The following SEMA3A variants were observed in gnomAD, a reference collection of about 807,000 sequenced individuals.
SEMA3A encodes semaphorin 3A.
A neutral mutation model predicts 97.9 loss-of-function variants in SEMA3A; 29 were observed. The ratio of observed to expected loss-of-function variants is 0.30; its 90% CI spans 0.22 to 0.40. The LOEUF is 0.40. Ranked by LOEUF, SEMA3A falls within the 10% of genes least tolerant of loss-of-function variation. The pLI, the probability that SEMA3A is intolerant of heterozygous loss-of-function variation, is 1.00. For synonymous variants in SEMA3A, 321 were observed against 323.7 expected, an observed-to-expected ratio of 0.99 and a Z score of 0.09; for missense variants, 763 against 951.3, an observed-to-expected ratio of 0.80 and a Z score of 2.60.
At chr7:84,311,559 A>G (rs78573068) in intron 2 of SEMA3A, among the ~76,000 whole-genome samples, 14,450 of 151,990 alleles carry the variant, frequency 0.095, 908 homozygotes, top group Middle Eastern at 0.15. Context: ...ACTAAAGATG[A>G]ATGGTAAAGA....
chr7:84,490,142 C>T (rs1407842863), intron 1 of SEMA3A, among the ~76,000 whole-genome samples: 3 of 142,466 alleles, frequency 2.1e-5, no homozygotes, highest in East Asian at 4.1e-4. Flanking sequence ...ATTATAATTC[C>T]AGTAAAAAGA....
chr7:84,063,482 G>A lies in SEMA3A; in HGVS notation c.454-2924C>T, dbSNP rs1200512068. The stretch of plus-strand genomic sequence containing the variant: ...GATCAAATTACTCTGAGCTACGGAA[G>A]GACATTCAAACCAAAGGCAAAGAAG... On this transcript the variant is annotated intron_variant, in intron 4 of 16. Transcript: ENST00000265362. Among the ~76,000 whole-genome samples, 5 of 151,134 alleles carry A rather than the reference G, an allele frequency of 3.3e-5. No homozygotes were observed. The East Asian group carries it at 8.0e-4, about 24-fold the overall frequency.
rs1028118029 is a variant in SEMA3A at position 84,261,223 on chromosome 7, C to T, written c.-83+45984G>A. ...TGGATAGGAGCTACTCACTTTGAGT[C>T]TGTGGAGACCTGTCCTGTCACTCAA... is the stretch of plus-strand genomic sequence containing the variant. On this transcript the variant is annotated intron_variant, in intron 3 of 3. Transcript: ENST00000424555. Among the ~76,000 whole-genome samples the T allele has an allele frequency of 5.3e-5, 8 of 152,264 alleles. No individual in the cohort carries two copies. The East Asian group carries it at 1.6e-3, about 30-fold the overall frequency.
At chr7:84,321,808 A>G (rs112523932) in intron 2 of SEMA3A, among the ~76,000 whole-genome samples, 4 of 135,210 alleles carry the variant, frequency 3.0e-5, no homozygotes, top group African/African-American at 1.1e-4. Flanking sequence ...CCGGGGAGGC[A>G]GGGGTTGCAG....
rs566272388 is a variant in SEMA3A at position 84,446,824 on chromosome 7, G to T, written c.-246+45636C>A. On this transcript the variant is annotated intron_variant, in intron 1 of 3. Coordinates refer to the SEMA3A transcript ENST00000424555. ...GCTGCAAGGATGCCAGTTGCAGTGG[G>T]GGAGGCACAGCCAGGCTTATGTGCT... is the stretch of plus-strand genomic sequence containing the variant. 2.0e-4 allele frequency among the ~76,000 whole-genome samples: 31 copies of T among 152,238 alleles called. No individual in the cohort carries two copies. In the South Asian group the frequency reaches 3.3e-3, roughly 16 times the overall value.
At chr7:84,129,299 G>T in intron 2 of SEMA3A, 114 bp from the exon 3 acceptor site, 1 of 841,322 alleles carries the variant, frequency 1.2e-6, no homozygotes, top group Non-Finnish European at 1.9e-6. Context: ...GTTCCATAAA[G>T]ACTGTTTCAG....
chr7:84,354,847 G>A (rs1186487668), intron 2 of SEMA3A, among the ~76,000 whole-genome samples: 2 of 151,688 alleles, frequency 1.3e-5, no homozygotes, highest in South Asian at 2.1e-4. Flanking sequence ...GAAGAGATAA[G>A]TATACTTAAG....
At chr7:84,068,917 T>A (rs1374946472) in intron 4 of SEMA3A, among the ~76,000 whole-genome samples, 1 of 152,166 alleles carries the variant, frequency 6.6e-6, no homozygotes, top group East Asian at 1.9e-4. Context: ...CTCCTTTTTG[T>A]TCAACCCCGT....
chr7:84,109,847 A>G (rs1320235572), intron 4 of SEMA3A, among the ~76,000 whole-genome samples: 1 of 152,238 alleles, frequency 6.6e-6, no homozygotes, highest in Non-Finnish European at 1.5e-5. Flanking sequence ...TTTCAACATT[A>G]GCAACCTTTT....
At chr7:84,436,220 TAAG>T (rs1233061427) in intron 1 of SEMA3A, among the ~76,000 whole-genome samples, 1 of 152,146 alleles carries the variant, frequency 6.6e-6, no homozygotes, top group African/African-American at 2.4e-5. Context: ...CATTAAACTA[TAAG>T]AATCCTAGAA....
At chr7:84,391,455 T>G (rs1489488939) in intron 1 of SEMA3A, among the ~76,000 whole-genome samples, 1 of 151,864 alleles carries the variant, frequency 6.6e-6, no homozygotes, top group Non-Finnish European at 1.5e-5. Context: ...CAGTAACCAG[T>G]TTAGATGTGG....
intron 1 of SEMA3A, among the ~76,000 whole-genome samples, chr7:84,434,054 T>C (rs1370606507): frequency 6.6e-6 from 1 of 152,200 alleles, no homozygotes; most frequent in Non-Finnish European, 1.5e-5. Context: ...TTTCTTTTGC[T>C]GTGCAGAAGA....
chr7:84,112,174 A>G (rs1293667971), intron 3 of SEMA3A, among the ~76,000 whole-genome samples: 1 of 152,238 alleles, frequency 6.6e-6, no homozygotes. Context: ...TTTACTTTGA[A>G]ACACATAGGT....
At chr7:84,027,392 G>A (rs1791586335) in intron 6 of SEMA3A, among the ~76,000 whole-genome samples, 1 of 152,062 alleles carries the variant, frequency 6.6e-6, no homozygotes, top group Non-Finnish European at 1.5e-5. Context: ...CTCTAAATTT[G>A]TCAGGTGGAA....
chr7:84,072,589 T>C (rs1162606302), intron 4 of SEMA3A, among the ~76,000 whole-genome samples: 1 of 152,192 alleles, frequency 6.6e-6, no homozygotes, highest in Non-Finnish European at 1.5e-5. Context: ...TATGTAAGTC[T>C]TTGAAGCACT....
Position 83,963,323 on chromosome 7 carries a change from T to G in SEMA3A, c.1742A>C (p.Glu581Ala). Residue 581 changes from glutamate to alanine, a missense_variant, in exon 16 of 17, where the codon GAA (glutamate) becomes GCA (alanine). This residue lies in a region of SEMA3A where 678 missense variants were observed against 881.3 expected (regional missense o/e 0.77). Transcript: ENST00000265362. ...HHDNHHGHSP[E>A]ERIIYGVENS... ...CTCTACACCATAGATGATTCTCTCT[T>G]CAGGGCTGTGGCCATGGTGATTATC... is the stretch of plus-strand genomic sequence containing the variant. The G allele has an allele frequency of 6.2e-7, 1 of 1,613,504 alleles. No homozygotes were observed. The highest frequency in any genetic ancestry group is 8.5e-7 in the Non-Finnish European group (1 of 1,179,892).
At chr7:84,414,057 C>T (rs1804357154) in intron 1 of SEMA3A, among the ~76,000 whole-genome samples, 1 of 152,098 alleles carries the variant, frequency 6.6e-6, no homozygotes, top group Admixed American at 6.6e-5. Context: ...TTAACTGATA[C>T]TTTATTAATC....
At chr7:83,992,762 A>G (rs4385417) in intron 12 of SEMA3A, among the ~76,000 whole-genome samples, 125,028 of 151,862 alleles carry the variant, frequency 0.82, 52,151 homozygotes, top group African/African-American at 0.95. Flanking sequence ...TTTGGAATAG[A>G]TGTGGTGTGG....
chr7:84,037,268 T>C (rs1214672433), intron 6 of SEMA3A, among the ~76,000 whole-genome samples: 1 of 152,100 alleles, frequency 6.6e-6, no homozygotes, highest in Non-Finnish European at 1.5e-5. Context: ...ATAAATACCC[T>C]TATAAATGTA....
Sources: allele counts gnomAD v4.1 joint callset (sites outside exome capture counted in the v4.1 genomes callset), GRCh38; gene constraint gnomAD v4.1.1; regional missense constraint gnomAD v4.1.1; transcripts MANE v1.5; gene names NCBI Gene and HGNC (gene_info 2026-07-23, HGNC 2026-07-21).